The following CHRM3 variants were observed in gnomAD, a reference collection of about 807,000 sequenced individuals.
The protein encoded by CHRM3 is cholinergic receptor muscarinic 3.
CHRM3 carries 11 observed loss-of-function variants against 41.8 expected under a neutral mutation model. The observed-to-expected ratio is 0.26, with a 90% CI of 0.17 to 0.44. CHRM3 has a LOEUF of 0.44. Ranked by LOEUF, CHRM3 falls within the 20% of genes least tolerant of loss-of-function variation. The probability of loss-of-function intolerance (pLI) is 1.00; values close to 1 mark genes in which losing one functional copy is unlikely to be tolerated. For synonymous variants in CHRM3, 297 were observed against 301.4 expected, an observed-to-expected ratio of 0.99 and a Z score of 0.15; for missense variants, 571 against 745.4, an observed-to-expected ratio of 0.77 and a Z score of 2.72.
At chr1:239,623,477 G>A (rs998162366) in intron 3 of CHRM3, among the ~76,000 whole-genome samples, 9 of 122,794 alleles carry the variant, frequency 7.3e-5, no homozygotes, top group African/African-American at 2.5e-4. Flanking sequence ...ATTCCATGGT[G>A]TATAAGTTTT....
At chr1:239,760,768 A>AT (rs966816577) in intron 5 of CHRM3, among the ~76,000 whole-genome samples, 2 of 151,918 alleles carry the variant, frequency 1.3e-5, no homozygotes, top group East Asian at 1.9e-4. Flanking sequence ...CATAATTTGC[A>AT]TTTTTTCTCT....
rs1026185541 is a variant in CHRM3, at chr1:239,840,947, G to A, written c.-20+13569G>A. The stretch of plus-strand genomic sequence containing the variant: ...GATTGTTCCTTGATTCATGGTGCAC[G>A]TGTGGGCAGCAACAAACACTGAGGA... On this transcript the variant is annotated intron_variant, in intron 6 of 6. Coordinates refer to ENST00000676153, the MANE Select transcript of CHRM3 (RefSeq NM_001375978.1). 4.6e-5 allele frequency among the ~76,000 whole-genome samples: 7 copies of A among 152,220 alleles called. No homozygotes were observed. In the South Asian group the frequency reaches 8.3e-4, roughly 18 times the overall value.
intron 6 of CHRM3, among the ~76,000 whole-genome samples, chr1:239,841,252 G>A (rs149343142): frequency 6.6e-6 from 1 of 152,232 alleles, no homozygotes; most frequent in East Asian, 1.9e-4. Context: ...TAGCAATATG[G>A]TATGTGTTAG....
At position 239,686,116 on chromosome 1, in the gene CHRM3, C is replaced by T. The variant is rs143712582; in HGVS notation, c.-147+7828C>T. On this transcript the variant is annotated intron_variant, in intron 5 of 6. Transcript: ENST00000676153. The stretch of plus-strand genomic sequence containing the variant: ...AATAGTCTCCTTCATGATCTTTCTA[C>T]CATCAGTTTTGTCTCACATTAATTT... Among the ~76,000 whole-genome samples the T allele has an allele frequency of 3.0e-3, 453 of 152,298 alleles. 4 individuals carry two copies. Among genetic ancestry groups the T allele is most frequent in the African/African-American group, 0.01 (416 of 41,564 alleles).
At chr1:239,506,063 A>G (rs1049311431) in intron 2 of CHRM3, among the ~76,000 whole-genome samples, 1 of 152,202 alleles carries the variant, frequency 6.6e-6, no homozygotes, top group Non-Finnish European at 1.5e-5. Context: ...GGGTGCTGTT[A>G]AAGGCATTCA....
At chr1:239,541,079 G>GA (rs930503666) in intron 2 of CHRM3, among the ~76,000 whole-genome samples, 2 of 151,774 alleles carry the variant, frequency 1.3e-5, no homozygotes, top group East Asian at 1.9e-4. Flanking sequence ...AATATTGATG[G>GA]AAAAAAAATT....
intron 5 of CHRM3, among the ~76,000 whole-genome samples, chr1:239,746,670 A>G (rs1665386540): frequency 6.6e-6 from 1 of 152,184 alleles, no homozygotes; most frequent in Non-Finnish European, 1.5e-5. Context: ...CAAAAAATAT[A>G]TTTAAATAAA....
At chr1:239,697,523 A>AG (rs1251366682) in intron 5 of CHRM3, among the ~76,000 whole-genome samples, 1 of 152,180 alleles carries the variant, frequency 6.6e-6, no homozygotes, top group Non-Finnish European at 1.5e-5. Context: ...TGAGCAAAAA[A>AG]TGATATCAGG....
At chr1:239,418,549 T>A (rs1406555083) in intron 1 of CHRM3, among the ~76,000 whole-genome samples, 1 of 152,246 alleles carries the variant, frequency 6.6e-6, no homozygotes, top group Non-Finnish European at 1.5e-5. Flanking sequence ...TAATTTTAAG[T>A]CTATCAATAT....
At chr1:239,866,236 G>A (rs1253082077) in intron 6 of CHRM3, among the ~76,000 whole-genome samples, 2 of 152,056 alleles carry the variant, frequency 1.3e-5, no homozygotes, top group South Asian at 2.1e-4. Context: ...AATTAGCCGG[G>A]CGTGGTGGCG....
intron 5 of CHRM3, among the ~76,000 whole-genome samples, chr1:239,777,651 C>G (rs1046371314): frequency 6.6e-6 from 1 of 152,112 alleles, no homozygotes; most frequent in East Asian, 1.9e-4. Context: ...CAGCTTTCTT[C>G]TGTTCTTTGA....
intron 2 of CHRM3, among the ~76,000 whole-genome samples, chr1:239,507,574 A>G (rs1668659587): frequency 6.6e-6 from 1 of 152,238 alleles, no homozygotes; most frequent in African/African-American, 2.4e-5. Flanking sequence ...TGATGATTAT[A>G]TTCTTGATAA....
chr1:239,803,245 T>G (rs1670358945), intron 5 of CHRM3, among the ~76,000 whole-genome samples: 1 of 152,202 alleles, frequency 6.6e-6, no homozygotes, highest in Admixed American at 6.5e-5. Flanking sequence ...CCAGGCTATT[T>G]TGATAGTCTG....
intron 6 of CHRM3, among the ~76,000 whole-genome samples, chr1:239,904,925 G>A (rs1330691361): frequency 6.6e-6 from 1 of 152,140 alleles, no homozygotes; most frequent in African/African-American, 2.4e-5. Context: ...GTGTATTTAT[G>A]TCTAACATTA....
chr1:239,530,297 C>G (rs576018822), intron 2 of CHRM3, among the ~76,000 whole-genome samples: 1 of 152,232 alleles, frequency 6.6e-6, no homozygotes, highest in East Asian at 1.9e-4. Flanking sequence ...TATTTCTCAG[C>G]TCCTCAAATT....
At chr1:239,581,881 C>T (rs970955296) in intron 3 of CHRM3, among the ~76,000 whole-genome samples, 4 of 152,140 alleles carry the variant, frequency 2.6e-5, no homozygotes, top group Admixed American at 2.6e-4. Context: ...AAAAACTTTA[C>T]TTTCAACTGT....
intron 4 of CHRM3, among the ~76,000 whole-genome samples, chr1:239,634,162 G>T (rs1670183123): frequency 6.6e-6 from 1 of 152,144 alleles, no homozygotes; most frequent in Non-Finnish European, 1.5e-5. Flanking sequence ...TGACAGCCTG[G>T]TTCCAGGAGC....
intron 3 of CHRM3, among the ~76,000 whole-genome samples, chr1:239,563,260 AT>A (rs1299247086): frequency 1.3e-5 from 2 of 152,054 alleles, no homozygotes; most frequent in Non-Finnish European, 2.9e-5. Context: ...TATAATCAAA[AT>A]TTGTTTGTTT....
At chr1:239,388,488 T>C (rs1054849830) in intron 1 of CHRM3, among the ~76,000 whole-genome samples, 1 of 152,232 alleles carries the variant, frequency 6.6e-6, no homozygotes, top group East Asian at 1.9e-4. Context: ...AATTTCATAT[T>C]GTGAGATCGT....
Sources: gnomAD v4.1 joint callset for allele counts (sites outside exome capture counted in the v4.1 genomes callset) on GRCh38, gnomAD v4.1.1 for gene constraint, MANE v1.5 for transcripts, NCBI Gene and HGNC (gene_info 2026-07-23, HGNC 2026-07-21) for gene names.